Variants in NPR2 observed in about 807,000 individuals in gnomAD.
The protein encoded by NPR2 is atrial natriuretic peptide receptor 2.
A neutral mutation model predicts 120.7 loss-of-function variants in NPR2; 49 were observed. The ratio of observed to expected loss-of-function variants is 0.41; its 90% CI spans 0.32 to 0.52. The LOEUF (loss-of-function observed/expected upper bound fraction) is 0.52. NPR2 is among the 20% of genes least tolerant of loss of function. NPR2 has a pLI of 0.36. For synonymous variants in NPR2, 484 were observed against 519.8 expected, an observed-to-expected ratio of 0.93 and a Z score of 0.94; for missense variants, 931 against 1,362.9, an observed-to-expected ratio of 0.68 and a Z score of 4.99.
Position 35,807,093 on chromosome 9 carries a change from T to C in NPR2, c.2590T>C (p.Phe864Leu), listed in dbSNP as rs759474898. The C allele has an allele frequency of 3.1e-6, 5 of 1,611,476 alleles. No homozygotes were observed. Among genetic ancestry groups the C allele is most frequent in the Admixed American group, 1.7e-5 (1 of 59,952 alleles). ...GGCCTTTGACAGTGTTACCATCTAC[T>C]TCAGTGACATTGTTGGCTTCACAGC... ...AEAFDSVTIY[F>L]SDIVGFTALS... The change falls in exon 17 of 22, where the codon TTC (phenylalanine) becomes CTC (leucine). Residue 864 changes from phenylalanine (F) to leucine (L), a missense_variant. By Grantham distance (22) the Phe-to-Leu change is conservative. Coordinates refer to ENST00000342694, the MANE Select transcript of NPR2 (RefSeq NM_003995.4).
rs1325898108 is a variant in NPR2, at chr9:35,808,214, CCA to C, written c.2713-294_2713-293del. 1.2e-6 allele frequency: 2 copies of C among 1,614,056 alleles called. No individual in the cohort carries two copies. Among genetic ancestry groups the C allele is most frequent in the African/African-American group, 2.7e-5 (2 of 74,920 alleles). On this transcript the variant is annotated intron_variant, in intron 18 of 21. Transcript: ENST00000342694. The surrounding 1 kb of genome is among the most constrained non-coding windows in gnomAD (Gnocchi z 4.0). ...TCTTGAGTTACCGTTTTCTTGCTTC[CCA>C]TTTCCTGATGGCAGAGCCTATTTGT...
At position 35,808,092 on chromosome 9, in the gene NPR2, T is replaced by C. The variant is rs1032242652; in HGVS notation, c.2713-417T>C. 4 of 1,041,438 alleles carry C rather than the reference T, an allele frequency of 3.8e-6. No homozygotes were observed. Among genetic ancestry groups the C allele is most frequent in the Non-Finnish European group, 6.0e-6 (4 of 667,508 alleles). 64.5% of individuals were successfully genotyped at this position (1,041,438 alleles called of 1,614,324 possible). On this transcript the variant is annotated intron_variant, in intron 18 of 21. Coordinates refer to ENST00000342694, the MANE Select transcript of NPR2 (RefSeq NM_003995.4). This position sits in a 1 kb window ranked among gnomAD's most constrained non-coding sequence, Gnocchi z 4.0. Reference sequence around the variant, plus strand: ...ATTCTCTTACATAGCTTTGGCACAATTACCAAAATCAAATGCCTGCTTTCC... The same window carrying C: ...ATTCTCTTACATAGCTTTGGCACAACTACCAAAATCAAATGCCTGCTTTCC...
chr9:35,792,055 C>CCCCCCCCCCCA lies in NPR2; in HGVS notation c.-353_-352insCCCCCCCCCAC. On this transcript the variant is annotated 5_prime_UTR_variant, in exon 1 of 22. The change creates a premature stop within an existing upstream ORF in the 5' untranslated region. Transcript: ENST00000342694. Reference sequence around the variant, plus strand: ...ACCCGCCCCCCACCCCCACCCCATCCCAGTCCCAGATCCCCTTTTCCTTCT... The same window carrying CCCCCCCCCCCA: ...ACCCGCCCCCCACCCCCACCCCATCCCCCCCCCCCCACAGTCCCAGATCCCCTTTTCCTTCT... 6.6e-6 allele frequency: 1 copy of CCCCCCCCCCCA among 151,884 alleles called. No homozygotes were observed. The highest frequency in any genetic ancestry group is 1.4e-5 in the Non-Finnish European group (1 of 70,258). The allele number at this position is 151,884 out of a possible 1,614,324, so 9.4% of individuals were successfully genotyped here.
In NPR2 at chr9:35,808,550, C is replaced by T. The variant is rs372891937; in HGVS notation, c.2754C>T (p.Leu918=). The change falls in exon 19 of 22, where the codon CTC becomes CTT. Residue 918 remains leucine, a synonymous_variant. Transcript: ENST00000342694. The surrounding 1 kb of genome is among the most constrained non-coding windows in gnomAD (Gnocchi z 4.0). The stretch of plus-strand genomic sequence containing the variant: ...ATGCTTACATGGTGGTATCTGGCCT[C>T]CCAGGCCGAAATGGTCAACGCCATG... ...IGDAYMVVSG[L]PGRNGQRHAP... The T allele has an allele frequency of 2.5e-6, 4 of 1,614,160 alleles. No homozygotes were observed. Among genetic ancestry groups the T allele is most frequent in the Non-Finnish European group, 2.5e-6 (3 of 1,180,036 alleles).
Position 35,800,208 on chromosome 9 carries a change from T to C in NPR2, c.1123+51T>C, listed in dbSNP as rs773883310. On this transcript the variant is annotated intron_variant, in intron 4 of 21. Transcript: ENST00000342694. The surrounding 1 kb of genome is among the most constrained non-coding windows in gnomAD (Gnocchi z 4.7). ...CTGAGGGCTGATGTCAGGAATAGAG[T>C]GGGCTGAAGAAGAAACAGATGTCAG... The C allele has an allele frequency of 6.4e-7, 1 of 1,560,120 alleles. No homozygotes were observed. Among genetic ancestry groups the C allele is most frequent in the African/African-American group, 1.4e-5 (1 of 73,750 alleles).
rs1044439596 is a variant in NPR2, at chr9:35,800,945, G to A, written c.1351+104G>A. 2.1e-5 allele frequency: 32 copies of A among 1,559,668 alleles called. No homozygotes were observed. The highest frequency in any genetic ancestry group is 2.7e-5 in the Non-Finnish European group (30 of 1,130,540). ...CTCTTAACTGTGCTTCTGCCTTTAC[G>A]TCTGCATCCCTCCCTCCTCATTTCT... On this transcript the variant is annotated intron_variant, in intron 6 of 21. Transcript: ENST00000342694. The surrounding 1 kb of genome is among the most constrained non-coding windows in gnomAD (Gnocchi z 4.7).
rs1424821418 is a variant in NPR2, at chr9:35,807,115, C to T, written c.2612C>T (p.Thr871Ile). The part of the protein sequence containing the change: ...TIYFSDIVGF[T>I]ALSAESTPMQ... ...TACTTCAGTGACATTGTTGGCTTCA[C>T]AGCATTGTCAGCAGAGAGCACCCCC... The change falls in exon 17 of 22, where the codon ACA becomes ATA. Residue 871 changes from threonine to isoleucine, a missense_variant. Thr to Ile is a moderately conservative substitution (Grantham distance 89). This residue lies in a region of NPR2 where 184 missense variants were observed against 328.3 expected (regional missense o/e 0.56). Coordinates refer to ENST00000342694, the MANE Select transcript of NPR2 (RefSeq NM_003995.4). The T allele has an allele frequency of 6.3e-7, 1 of 1,591,752 alleles. No individual in the cohort carries two copies. Among genetic ancestry groups the T allele is most frequent in the Admixed American group, 1.8e-5 (1 of 57,006 alleles).
rs1828632151 is a variant in NPR2 at position 35,809,359 on chromosome 9, T to C, written c.3079-21T>C. ...GACTAACATCGAAGCATCTGAATCA[T>C]GTCCACTCTCCCACTTCCAGGGAAA... On this transcript the variant is annotated intron_variant, in intron 21 of 21. Transcript: ENST00000342694. The surrounding 1 kb of genome is among the most constrained non-coding windows in gnomAD (Gnocchi z 4.1). The C allele has an allele frequency of 1.2e-6, 2 of 1,613,908 alleles. No homozygotes were observed. Among genetic ancestry groups the C allele is most frequent in the African/African-American group, 1.3e-5 (1 of 74,896 alleles).
Position 35,791,838 on chromosome 9 carries a change from A to G in NPR2, c.-571A>G, listed in dbSNP as rs562090481. Among the ~76,000 whole-genome samples, 2 of 152,042 alleles carry G rather than the reference A, an allele frequency of 1.3e-5. No homozygotes were observed. The highest frequency in any genetic ancestry group is 2.1e-4 in the South Asian group (1 of 4,828). ...CAGGAGCTCCGGGAGAATCCTTCACAGGGAGATTTACCCCTGCCTTCCCCT... is the reference window on the plus strand; with the variant it reads ...CAGGAGCTCCGGGAGAATCCTTCACGGGGAGATTTACCCCTGCCTTCCCCT... On this transcript the variant is annotated 5_prime_UTR_variant, in exon 1 of 22. Coordinates refer to ENST00000342694, the MANE Select transcript of NPR2 (RefSeq NM_003995.4).
Position 35,808,497 on chromosome 9 carries a change from C to T in NPR2, c.2713-12C>T. On this transcript the variant is annotated splice_polypyrimidine_tract_variant and intron_variant, in intron 18 of 21. Transcript: ENST00000342694. The surrounding 1 kb of genome is among the most constrained non-coding windows in gnomAD (Gnocchi z 4.0). ...TAAATAGAGGTGACCTTTTAATCCC[C>T]CTCTCAATCAGGTGGAGACGATTGG... is the stretch of plus-strand genomic sequence containing the variant. The T allele has an allele frequency of 6.2e-7, 1 of 1,613,822 alleles. No homozygotes were observed. The highest frequency in any genetic ancestry group is 8.5e-7 in the Non-Finnish European group (1 of 1,179,876).
intron 12 of NPR2, among the ~76,000 whole-genome samples, chr9:35,803,911 G>A (rs61758529): frequency 1.1e-4 from 17 of 152,164 alleles, no homozygotes; most frequent in Admixed American, 2.0e-4. Context: ...CATAAGACAC[G>A]ACTCTTGAGA....
chr9:35,793,906 A>G lies in NPR2; in HGVS notation c.676A>G (p.Ile226Val), dbSNP rs758946221. 19 of 1,614,146 alleles carry G rather than the reference A, an allele frequency of 1.2e-5. No individual in the cohort carries two copies. The highest frequency in any genetic ancestry group is 1.6e-5 in the Non-Finnish European group (19 of 1,180,018). The change falls in exon 2 of 22, where the codon ATC (isoleucine) becomes GTC (valine). Residue 226 changes from isoleucine (I) to valine (V), a missense_variant. Transcript: ENST00000342694. ...CATGTACCTGCTCCCAGTTGTGTATATCTGCGGCCCTCTGGAGATGCTGCA... is the reference window on the plus strand; with the variant it reads ...CATGTACCTGCTCCCAGTTGTGTATGTCTGCGGCCCTCTGGAGATGCTGCA... The part of the protein sequence containing the change: ...FIRANGRIVY[I>V]CGPLEMLHEI...
In NPR2 at chr9:35,808,667, C is replaced by T; in HGVS notation, c.2871C>T (p.Arg957=). The change falls in exon 19 of 22, where the codon CGC becomes CGT. Residue 957 remains arginine, a synonymous_variant. Coordinates refer to ENST00000342694, the MANE Select transcript of NPR2 (RefSeq NM_003995.4). The surrounding 1 kb of genome is among the most constrained non-coding windows in gnomAD (Gnocchi z 4.0). ...GACCCCATGACCAGCTGAGGCTACG[C>T]ATAGGGGTCCATACTGGTAAGGCTG... ...RHRPHDQLRL[R]IGVHTGPVCA... 6.2e-7 allele frequency: 1 copy of T among 1,614,124 alleles called. No homozygotes were observed. Among genetic ancestry groups the T allele is most frequent in the South Asian group, 1.1e-5 (1 of 91,084 alleles).
Position 35,806,274 on chromosome 9 carries a change from A to T in NPR2, c.2372+41A>T, listed in dbSNP as rs1218813415. On this transcript the variant is annotated intron_variant, in intron 15 of 21. Transcript: ENST00000342694. The surrounding 1 kb of genome is among the most constrained non-coding windows in gnomAD (Gnocchi z 4.6). ...GGGGCAGGGGCTTCCCAGGGATAGA[A>T]GACTCATTAGTCCTAGTGCATGAAG... 1 of 1,613,278 alleles carries T rather than the reference A, an allele frequency of 6.2e-7. No individual in the cohort carries two copies. Among genetic ancestry groups the T allele is most frequent in the Non-Finnish European group, 8.5e-7 (1 of 1,179,366 alleles).
chr9:35,804,112 A>G (rs1442650864), intron 12 of NPR2, among the ~76,000 whole-genome samples: 2 of 152,238 alleles, frequency 1.3e-5, no homozygotes, highest in African/African-American at 4.8e-5. Context: ...TTAAGTCCAG[A>G]GCTAAACATT....
In NPR2 at chr9:35,800,819, G is replaced by A; in HGVS notation, c.1329G>A (p.Leu443=). 6.2e-7 allele frequency: 1 copy of A among 1,614,164 alleles called. No individual in the cohort carries two copies. The highest frequency in any genetic ancestry group is 8.5e-7 in the Non-Finnish European group (1 of 1,180,028). Reference sequence around the variant, plus strand: ...ACAATCCCCCCTGTGCCTTTGACTTGGACGACCCATCCTGTGATAAAAGTG... The same window carrying A: ...ACAATCCCCCCTGTGCCTTTGACTTAGACGACCCATCCTGTGATAAAAGTG... ...PSDNPPCAFD[L]DDPSCDKTPL... Residue 443 remains leucine, a synonymous_variant, in exon 6 of 22, where the codon TTG becomes TTA. Transcript: ENST00000342694. This position sits in a 1 kb window ranked among gnomAD's most constrained non-coding sequence, Gnocchi z 4.7.
intron 2 of NPR2, among the ~76,000 whole-genome samples, chr9:35,797,510 CA>C (rs1174622078): frequency 6.6e-6 from 1 of 152,092 alleles, no homozygotes; most frequent in African/African-American, 2.4e-5. Context: ...TCCAGTTGGC[CA>C]GGGCAAGTCT....
chr9:35,801,586 G>T, intron 7 of NPR2, 57 bp from the exon 8 acceptor site: 1 of 1,609,620 alleles, frequency 6.2e-7, no homozygotes, highest in Admixed American at 1.7e-5. Context: ...CCCTGCTGTT[G>T]GCTTGGGGGT....
In NPR2 at chr9:35,799,741, T is replaced by G; in HGVS notation, c.987+10T>G. 1 of 1,597,248 alleles carries G rather than the reference T, an allele frequency of 6.3e-7. No homozygotes were observed. Among genetic ancestry groups the G allele is most frequent in the Non-Finnish European group, 8.6e-7 (1 of 1,164,954 alleles). On this transcript the variant is annotated intron_variant, in intron 3 of 21. Transcript: ENST00000342694. ...GCTGGGCCCTTCCCTGGTAAGTAGATCTCTCCCTTCCTGAGAGTCAGGTCA... is the reference window on the plus strand; with the variant it reads ...GCTGGGCCCTTCCCTGGTAAGTAGAGCTCTCCCTTCCTGAGAGTCAGGTCA...
Sources: allele counts gnomAD v4.1 joint callset (sites outside exome capture counted in the v4.1 genomes callset), GRCh38; gene constraint gnomAD v4.1.1; regional missense constraint gnomAD v4.1.1; non-coding constraint Gnocchi (gnomAD v3.1); transcripts MANE v1.5; gene names NCBI Gene and HGNC (gene_info 2026-07-23, HGNC 2026-07-21).